CYB5R4: variants seen among roughly 807,000 people sequenced by gnomAD.
The protein encoded by CYB5R4 is N-terminal cytochrome b5 and cytochrome b5 oxidoreductase domain-containing protein.
Under a neutral mutation model 70.2 loss-of-function variants are expected in CYB5R4, and 55 were observed. The ratio of observed to expected loss-of-function variants is 0.78; its 90% CI spans 0.63 to 0.98. The LOEUF (loss-of-function observed/expected upper bound fraction) is 0.98. Among genes scored for constraint, CYB5R4 ranks in the 50% least tolerant of loss-of-function variants. CYB5R4 has a pLI of 0.00. For missense variants in CYB5R4, 562 were observed against 612.6 expected (o/e 0.92, Z 0.87); for synonymous variants, 197 against 199.5 (o/e 0.99, Z 0.11).
At chr6:83,916,053 T>C (rs61763815) in intron 5 of CYB5R4, among the ~76,000 whole-genome samples, 11,483 of 152,238 alleles carry the variant, frequency 0.075, 750 homozygotes, top group East Asian at 0.26. Context: ...TTTTTTGTTT[T>C]TAGTTAGTTT....
At chr6:83,943,962 G>T (rs1313064608) in intron 14 of CYB5R4, among the ~76,000 whole-genome samples, 2 of 151,702 alleles carry the variant, frequency 1.3e-5, no homozygotes, top group Non-Finnish European at 3.0e-5. Flanking sequence ...GACTACATTT[G>T]GTGTACCTGA....
At chr6:83,947,664 T>C (rs1050139175) in intron 14 of CYB5R4, among the ~76,000 whole-genome samples, 21 of 152,034 alleles carry the variant, frequency 1.4e-4, no homozygotes, top group Admixed American at 4.6e-4. Flanking sequence ...AGGGCTAATA[T>C]CCAGAATCTA....
chr6:83,864,881 C>A (rs1193560685), intron 2 of CYB5R4, among the ~76,000 whole-genome samples: 1 of 151,988 alleles, frequency 6.6e-6, no homozygotes, highest in African/African-American at 2.4e-5. Context: ...AGGAGGTGAG[C>A]AGGCAGACAA....
intron 2 of CYB5R4, among the ~76,000 whole-genome samples, chr6:83,874,246 A>G (rs2099458159): frequency 6.7e-6 from 1 of 148,332 alleles, no homozygotes; most frequent in African/African-American, 2.5e-5. Context: ...ACTAAAGTGC[A>G]GTGGCATGAT....
At chr6:83,898,826 C>G (rs1268591421) in intron 3 of CYB5R4, among the ~76,000 whole-genome samples, 4 of 152,240 alleles carry the variant, frequency 2.6e-5, no homozygotes, top group Middle Eastern at 3.4e-3. Flanking sequence ...TATCCTGAGA[C>G]TTTGCTGAAG....
intron 15 of CYB5R4, among the ~76,000 whole-genome samples, chr6:83,957,477 C>T (rs1204983176): frequency 6.6e-6 from 1 of 151,736 alleles, no homozygotes; most frequent in African/African-American, 2.4e-5. Context: ...AAAAATTAGC[C>T]GAGCATGGTG....
intron 14 of CYB5R4, among the ~76,000 whole-genome samples, chr6:83,942,698 A>G (rs973700874): frequency 9.8e-5 from 15 of 152,316 alleles, no homozygotes; most frequent in Admixed American, 9.8e-4. Flanking sequence ...GAGCCCAGCA[A>G]GCTAAAATCC....
intron 2 of CYB5R4, among the ~76,000 whole-genome samples, chr6:83,878,553 A>T (rs1040834709): frequency 1.3e-5 from 2 of 152,080 alleles, no homozygotes; most frequent in African/African-American, 4.8e-5. Context: ...TCACAGTGTT[A>T]GCCAGGATGG....
Position 83,914,405 on chromosome 6 carries a change from T to A in CYB5R4, c.413-11T>A. 1 of 1,533,892 alleles carries A rather than the reference T, an allele frequency of 6.5e-7. No homozygotes were observed. Among genetic ancestry groups the A allele is most frequent in the Non-Finnish European group, 8.9e-7 (1 of 1,127,752 alleles). On this transcript the variant is annotated splice_polypyrimidine_tract_variant and intron_variant, in intron 4 of 15. Transcript: ENST00000369681. ...TTCTTATTTGACTTTTTTTTCTAAA[T>A]CACTATACAGACTATCGTGAGGAGG... is the stretch of plus-strand genomic sequence containing the variant.
Position 83,864,069 on chromosome 6 carries a change from AACTGTAAAAGGATTTATAGAAGTGTTAG to A in CYB5R4, c.76-104_76-77del, listed in dbSNP as rs1215500668. The A allele has an allele frequency of 1.1e-5, 12 of 1,069,656 alleles. No individual in the cohort carries two copies. The Admixed American group carries it at 2.2e-4, about 19-fold the overall frequency. The allele number at this position is 1,069,656 out of a possible 1,614,324, so 66.3% of individuals were successfully genotyped here. On this transcript the variant is annotated intron_variant, in intron 1 of 15. Coordinates refer to ENST00000369681, the MANE Select transcript of CYB5R4 (RefSeq NM_016230.4). ...ATAAACAATGTTGACAGCCTCTTAA[AACTGTAAAAGGATTTATAGAAGTGTTAG>A]ATTTGAGTTTTATTATCTTTTAAAA...
At chr6:83,882,707 G>T (rs1052844137) in intron 2 of CYB5R4, among the ~76,000 whole-genome samples, 3 of 152,148 alleles carry the variant, frequency 2.0e-5, no homozygotes, top group African/African-American at 7.2e-5. Context: ...TATGATACAG[G>T]CCCGGCGTGG....
At chr6:83,927,821 A>G (rs1034660465) in intron 10 of CYB5R4, among the ~76,000 whole-genome samples, 1 of 152,122 alleles carries the variant, frequency 6.6e-6, no homozygotes, top group Admixed American at 6.5e-5. Context: ...TCCTGTCCTC[A>G]GAGGTCTAGG....
At chr6:83,936,895 GTCA>G (rs1487496553) in intron 12 of CYB5R4, among the ~76,000 whole-genome samples, 1 of 152,212 alleles carries the variant, frequency 6.6e-6, no homozygotes, top group Non-Finnish European at 1.5e-5. Context: ...CCACAGATTT[GTCA>G]TCCTCATTCA....
At chr6:83,881,973 T>C (rs552379227) in intron 2 of CYB5R4, among the ~76,000 whole-genome samples, 45 of 152,314 alleles carry the variant, frequency 3.0e-4, no homozygotes, top group African/African-American at 9.9e-4. Flanking sequence ...TATTGCCGAG[T>C]GCTCTAAAAT....
chr6:83,864,061 C>A, intron 1 of CYB5R4, 114 bp from the exon 2 acceptor site: 1 of 930,182 alleles, frequency 1.1e-6, no homozygotes, highest in Non-Finnish European at 1.6e-6. Flanking sequence ...ATGTTGACAG[C>A]CTCTTAAAAC....
At chr6:83,959,783 C>G in intron 15 of CYB5R4, 41 bp from the exon 16 acceptor site, 1 of 1,542,668 alleles carries the variant, frequency 6.5e-7, no homozygotes, top group Non-Finnish European at 8.8e-7. Context: ...CATTTTAAAG[C>G]ATTTTCCCTA....
At chr6:83,912,983 TA>T (rs1444345209) in intron 4 of CYB5R4, among the ~76,000 whole-genome samples, 1 of 152,168 alleles carries the variant, frequency 6.6e-6, no homozygotes, top group African/African-American at 2.4e-5. Context: ...TAAGAGATAA[TA>T]TTTTCTTCTT....
At chr6:83,898,885 A>G (rs1032559835) in intron 3 of CYB5R4, among the ~76,000 whole-genome samples, 155 of 152,332 alleles carry the variant, frequency 1.0e-3, no homozygotes, top group African/African-American at 3.5e-3. Flanking sequence ...GGGGTATTCT[A>G]AATATACAAT....
At position 83,893,527 on chromosome 6, in the gene CYB5R4, G is replaced by C; in HGVS notation, c.235G>C (p.Val79Leu). ...TTCTGTTTGCTTTGGTACAGGTTTC[G>C]TTTATAATGTCAGCCCTTATATGGA... is the stretch of plus-strand genomic sequence containing the variant. Reference protein sequence around the residue: ...DDCWICIRGFVYNVSPYMEYH... With the variant: ...DDCWICIRGFLYNVSPYMEYH... The change falls in exon 3 of 16, where the codon GTT (valine) becomes CTT (leucine). Residue 79 changes from valine to leucine, a missense_variant. Transcript: ENST00000369681. The C allele has an allele frequency of 6.3e-7, 1 of 1,598,808 alleles. No homozygotes were observed. Among genetic ancestry groups the C allele is most frequent in the Non-Finnish European group, 8.6e-7 (1 of 1,168,812 alleles).
Sources: gnomAD v4.1 joint callset for allele counts (sites outside exome capture counted in the v4.1 genomes callset) on GRCh38, gnomAD v4.1.1 for gene constraint, MANE v1.5 for transcripts, NCBI Gene and HGNC (gene_info 2026-07-23, HGNC 2026-07-21) for gene names.